Variants in TTLL10 observed in about 807,000 individuals in gnomAD.
The protein encoded by TTLL10 is inactive polyglycylase TTLL10.
TTLL10 carries 61 observed loss-of-function variants against 69.0 expected under a neutral mutation model. The observed-to-expected ratio is 0.88, with a 90% CI of 0.72 to 1.09. TTLL10 has a LOEUF of 1.09. TTLL10 is among the 50% of genes least tolerant of loss of function. The pLI, the probability that TTLL10 is intolerant of heterozygous loss-of-function variation, is 0.00. For missense variants in TTLL10, 962 were observed against 945.9 expected (o/e 1.02, Z -0.22); for synonymous variants, 408 against 393.3 (o/e 1.04, Z -0.44).
chr1:1,190,625 T>A (rs543620828), intron 13 of TTLL10, among the ~76,000 whole-genome samples: 1 of 151,860 alleles, frequency 6.6e-6, no homozygotes, highest in Admixed American at 6.6e-5. Flanking sequence ...AGATGGGGTT[T>A]CACCATGCTG....
In TTLL10 at chr1:1,180,400, C is replaced by A. The variant is rs577067898; in HGVS notation, c.506+60C>A. ...GAATACCCACCGCCTGCTCCCGGGG[C>A]CCAGCCCGGCCTCCGCTGGCCGCCC... On this transcript the variant is annotated intron_variant, in intron 6 of 15. Coordinates refer to ENST00000379289, the MANE Select transcript of TTLL10 (RefSeq NM_001130045.2). 954 of 1,539,508 alleles carry A rather than the reference C, an allele frequency of 6.2e-4. 8 individuals carry two copies. In the African/African-American group the frequency reaches 0.012, roughly 19 times the overall value.
In TTLL10 at chr1:1,174,193, C is replaced by G. The variant is rs139599363; in HGVS notation, c.-130-92C>G. On this transcript the variant is annotated intron_variant, in intron 1 of 15. Transcript: ENST00000379289. Reference sequence around the variant, plus strand: ...GTGGGAGGGCTGGGCAGCCCTGGGACGAGCTCCGTGGCCTGGGACCAGGTC... The same window carrying G: ...GTGGGAGGGCTGGGCAGCCCTGGGAGGAGCTCCGTGGCCTGGGACCAGGTC... The G allele has an allele frequency of 2.6e-5, 4 of 152,624 alleles. No individual in the cohort carries two copies. The South Asian group carries it at 6.2e-4, about 24-fold the overall frequency. The allele number at this position is 152,624 out of a possible 1,614,324, so 9.5% of individuals were successfully genotyped here.
In TTLL10 at chr1:1,181,720, C is replaced by T. The variant is rs763573051; in HGVS notation, c.756-21C>T. On this transcript the variant is annotated intron_variant, in intron 8 of 15. Transcript: ENST00000379289. This position sits in a 1 kb window ranked among gnomAD's most constrained non-coding sequence, Gnocchi z 4.6. ...CATGAGCTGGCCCCTCAGTCCAGGC[C>T]CTCTGTCCCCTGGGCTGCAGGCTGG... 3 of 1,576,848 alleles carry T rather than the reference C, an allele frequency of 1.9e-6. No homozygotes were observed. The highest frequency in any genetic ancestry group is 1.2e-5 in the South Asian group (1 of 85,782).
intron 11 of TTLL10, 148 bp from the exon 12 acceptor site, chr1:1,183,772 C>A: frequency 9.7e-7 from 1 of 1,033,272 alleles, no homozygotes; most frequent in Non-Finnish European, 1.4e-6. Flanking sequence ...CATATTCAGG[C>A]CCAGAAATGC....
Position 1,184,020 on chromosome 1 carries a change from G to C in TTLL10, c.1189G>C (p.Gly397Arg), listed in dbSNP as rs142275578. 7 of 1,614,166 alleles carry C rather than the reference G, an allele frequency of 4.3e-6. No individual in the cohort carries two copies. Among genetic ancestry groups the C allele is most frequent in the Non-Finnish European group, 5.1e-6 (6 of 1,179,994 alleles). ...TTPYMIFFGH[G>R]YARLTLSLYD... ...ACCCTACATGATCTTCTTTGGCCAC[G>C]GCTATGCTCGCCTCACCCTTAGCCT... Residue 397 changes from glycine (G) to arginine (R), a missense_variant, in exon 12 of 16, where the codon GGC becomes CGC. Transcript: ENST00000379289.
chr1:1,182,786 C>T (rs879517367), intron 10 of TTLL10, 90 bp from the exon 11 acceptor site: 38 of 1,455,692 alleles, frequency 2.6e-5, no homozygotes, highest in Non-Finnish European at 3.4e-5. Flanking sequence ...CCGAGGGTCG[C>T]AGCCTGGAGG....
At position 1,197,696 on chromosome 1, in the gene TTLL10, C is replaced by T. The variant is rs1570447187; in HGVS notation, c.1871C>T (p.Pro624Leu). Residue 624 changes from proline to leucine, a missense_variant, in exon 16 of 16, where the codon CCA becomes CTA. Transcript: ENST00000379289. ...PPPLVPQRPR[P>L]PGPDLDSAHD... The stretch of plus-strand genomic sequence containing the variant: ...CCCTTGGTGCCGCAGCGTCCCCGGC[C>T]ACCCGGCCCCGACCTGGACAGCGCC... 6.6e-7 allele frequency: 1 copy of T among 1,512,134 alleles called. No individual in the cohort carries two copies. The highest frequency in any genetic ancestry group is 8.8e-7 in the Non-Finnish European group (1 of 1,136,498). The allele number at this position is 1,512,134 out of a possible 1,614,324, so 93.7% of individuals were successfully genotyped here.
Position 1,185,058 on chromosome 1 carries a change from G to A in TTLL10, c.1350G>A (p.Thr450=), listed in dbSNP as rs374107787. 20 of 1,613,950 alleles carry A rather than the reference G, an allele frequency of 1.2e-5. No homozygotes were observed. The highest frequency in any genetic ancestry group is 7.7e-5 in the South Asian group (7 of 91,076). Residue 450 remains threonine, a synonymous_variant, in exon 13 of 16, where the codon ACG becomes ACA. Coordinates refer to ENST00000379289, the MANE Select transcript of TTLL10 (RefSeq NM_001130045.2). The surrounding 1 kb of genome is among the most constrained non-coding windows in gnomAD (Gnocchi z 6.1). ...MEHLNRYISD[T]FWKARGLAKD... Reference sequence around the variant, plus strand: ...ACCTCAACCGCTACATCAGTGACACGTTCTGGAAGGCCCGGGGCCTCGCCA... The same window carrying A: ...ACCTCAACCGCTACATCAGTGACACATTCTGGAAGGCCCGGGGCCTCGCCA...
At chr1:1,175,264 C>T (rs1646836666) in intron 3 of TTLL10, 1 of 215,996 alleles carries the variant, frequency 4.6e-6, no homozygotes, top group Non-Finnish European at 9.3e-6. Flanking sequence ...CACCTGGCTG[C>T]CTCTTCCAGC....
rs542747467 is a variant in TTLL10 at position 1,175,537 on chromosome 1, T to C, written c.-28+1048T>C. On this transcript the variant is annotated intron_variant, in intron 3 of 15. Transcript: ENST00000379289. Reference sequence around the variant, plus strand: ...GGTGCCCATTTGTTTTCCTCAGAGTTGGCGATCGCCTTGCTTTTCACATGT... The same window carrying C: ...GGTGCCCATTTGTTTTCCTCAGAGTCGGCGATCGCCTTGCTTTTCACATGT... The C allele has an allele frequency of 1.0e-3, 391 of 375,554 alleles. 3 individuals are homozygous for C. The highest frequency in any genetic ancestry group is 7.6e-3 in the South Asian group (381 of 49,892). The allele number at this position is 375,554 out of a possible 1,614,324, so 23.3% of individuals were successfully genotyped here. A position where few individuals can be genotyped will look rare whatever the true frequency, so the allele number is the denominator to read the frequency against.
chr1:1,179,831 G>T, intron 5 of TTLL10, 94 bp downstream of exon 5: 1 of 1,461,024 alleles, frequency 6.8e-7, no homozygotes, highest in Non-Finnish European at 9.0e-7. Flanking sequence ...GCCCTGGAGG[G>T]TGGTCACGGC....
In TTLL10 at chr1:1,179,210, C is replaced by T. The variant is rs1042312220; in HGVS notation, c.-6C>T. 5.2e-6 allele frequency: 8 copies of T among 1,537,238 alleles called. No individual in the cohort carries two copies. The African/African-American group carries it at 5.5e-5, about 11-fold the overall frequency. On this transcript the variant is annotated 5_prime_UTR_variant, in exon 4 of 16. Transcript: ENST00000379289. Reference sequence around the variant, plus strand: ...TCAGGGCCCTCGCCCGGGCACCCCCCGGCCAATGGACCACAGCTGCACCCG... The same window carrying T: ...TCAGGGCCCTCGCCCGGGCACCCCCTGGCCAATGGACCACAGCTGCACCCG...
intron 11 of TTLL10, 68 bp from the exon 12 acceptor site, chr1:1,183,852 G>A: frequency 6.3e-7 from 1 of 1,592,880 alleles, no homozygotes; most frequent in Non-Finnish European, 8.6e-7. Context: ...CCCGGGGTGG[G>A]GTGTGAGGGG....
At chr1:1,179,146 G>A (rs1646960504) in intron 3 of TTLL10, 43 bp from the exon 4 acceptor site, 5 of 1,337,992 alleles carry the variant, frequency 3.7e-6, no homozygotes, top group Admixed American at 2.6e-5. Context: ...CTCGGGCCGC[G>A]CGGAGGTCCC....
At chr1:1,182,105 C>A (rs1647087733) in intron 9 of TTLL10, among the ~76,000 whole-genome samples, 1 of 152,210 alleles carries the variant, frequency 6.6e-6, no homozygotes, top group Non-Finnish European at 1.5e-5. Context: ...GGAGAGCAAC[C>A]ATGAGGGAAA....
chr1:1,196,826 C>T, intron 14 of TTLL10, 110 bp downstream of exon 14: 3 of 868,592 alleles, frequency 3.5e-6, no homozygotes, highest in Admixed American at 2.0e-5. Context: ...AGTCAGCCCC[C>T]ACCCTGCCTG....
intron 13 of TTLL10, among the ~76,000 whole-genome samples, chr1:1,186,398 T>A (rs1172259108): frequency 6.6e-6 from 1 of 152,232 alleles, no homozygotes; most frequent in Non-Finnish European, 1.5e-5. Flanking sequence ...CATGTATCCC[T>A]TTCATACAAC....
chr1:1,197,710 C>T lies in TTLL10; in HGVS notation c.1885C>T (p.Leu629=), dbSNP rs1356193140. ...PQRPRPPGPD[L]DSAHDGEPQA... is the part of the protein sequence containing the mutation. ...GCGTCCCCGGCCACCCGGCCCCGAC[C>T]TGGACAGCGCCCACGATGGGGAGCC... Residue 629 remains leucine (L), a synonymous_variant, in exon 16 of 16, where the codon CTG becomes TTG. Coordinates refer to ENST00000379289, the MANE Select transcript of TTLL10 (RefSeq NM_001130045.2). 1.3e-6 allele frequency: 2 copies of T among 1,525,570 alleles called. No homozygotes were observed. The highest frequency in any genetic ancestry group is 8.8e-7 in the Non-Finnish European group (1 of 1,140,676). The allele number at this position is 1,525,570 out of a possible 1,614,324, so 94.5% of individuals were successfully genotyped here.
rs770912047 is a variant in TTLL10, at chr1:1,180,227, C to A, written c.393C>A (p.Ala131=). 1 of 1,608,976 alleles carries A rather than the reference C, an allele frequency of 6.2e-7. No homozygotes were observed. Among genetic ancestry groups the A allele is most frequent in the Admixed American group, 1.7e-5 (1 of 59,648 alleles). The part of the protein sequence containing the change: ...RPADSDDTNA[A]GPSAALLEGL... ...CAGACTCGGATGACACTAACGCCGC[C>A]GGGCCCTCAGCTGCCCTCCTGGAGG... is the stretch of plus-strand genomic sequence containing the variant. The change falls in exon 6 of 16, where the codon GCC becomes GCA. Residue 131 remains alanine (A), a synonymous_variant. Coordinates refer to ENST00000379289, the MANE Select transcript of TTLL10 (RefSeq NM_001130045.2).
Sources: allele counts gnomAD v4.1 joint callset (sites outside exome capture counted in the v4.1 genomes callset), GRCh38; gene constraint gnomAD v4.1.1; non-coding constraint Gnocchi (gnomAD v3.1); transcripts MANE v1.5; gene names NCBI Gene and HGNC (gene_info 2026-07-23, HGNC 2026-07-21).